DAB1: variants seen among roughly 807,000 people sequenced by gnomAD.
The protein encoded by DAB1 is DAB adaptor protein 1, also known as disabled homolog 1.
A neutral mutation model predicts 64.6 loss-of-function variants in DAB1; 15 were observed. The observed-to-expected ratio is 0.23, with a 90% CI of 0.16 to 0.36. The LOEUF (loss-of-function observed/expected upper bound fraction) is 0.36. DAB1 is among the 10% of genes least tolerant of loss of function. The pLI is 1.00. For synonymous variants in DAB1, 235 were observed against 251.9 expected, an observed-to-expected ratio of 0.93 and a Z score of 0.64; for missense variants, 596 against 706.7, an observed-to-expected ratio of 0.84 and a Z score of 1.78.
At chr1:58,021,420 A>C (rs1211433003) in intron 5 of DAB1, among the ~76,000 whole-genome samples, 58 of 152,256 alleles carry the variant, frequency 3.8e-4, no homozygotes, top group Non-Finnish European at 1.0e-4. Flanking sequence ...AAGATTAAAG[A>C]TTAAATAATT....
chr1:57,388,821 C>T (rs1450292686), intron 1 of DAB1, among the ~76,000 whole-genome samples: 1 of 143,478 alleles, frequency 7.0e-6, no homozygotes, highest in Non-Finnish European at 1.5e-5. Flanking sequence ...GACCCTAAAT[C>T]TCTCTTCTTC....
chr1:58,406,979 G>A (rs1034990263), intron 3 of DAB1, among the ~76,000 whole-genome samples: 2 of 152,150 alleles, frequency 1.3e-5, no homozygotes, highest in African/African-American at 2.4e-5. Context: ...CAGGGTGGGC[G>A]TGCTAATGTT....
chr1:57,857,797 A>G (rs1169346818), intron 1 of DAB1, among the ~76,000 whole-genome samples: 1 of 151,570 alleles, frequency 6.6e-6, no homozygotes, highest in Admixed American at 6.6e-5. Flanking sequence ...TAGTCAAAAT[A>G]TAAGTATTTT....
chr1:57,039,296 G>A (rs1163685364), intron 9 of DAB1, among the ~76,000 whole-genome samples: 1 of 152,094 alleles, frequency 6.6e-6, no homozygotes, highest in African/African-American at 2.4e-5. Flanking sequence ...CACAGCAACT[G>A]GCAGAGTAAA....
rs554683661 is a variant in DAB1 at position 57,722,102 on chromosome 1, C to T, written n.552-72437G>A. Among the ~76,000 whole-genome samples the T allele has an allele frequency of 5.3e-4, 80 of 152,278 alleles. No homozygotes were observed. In the South Asian group the frequency reaches 6.2e-3, roughly 12 times the overall value. ...CTTCCTAACACACAGACAATGTGAC[C>T]ATTTCTCATCAGTGTTGTCTCAAAA... On this transcript the variant is annotated intron_variant and non_coding_transcript_variant, in intron 6 of 20. Transcript: ENST00000485760.
intron 4 of DAB1, among the ~76,000 whole-genome samples, chr1:58,217,899 A>G (rs1042204828): frequency 6.6e-6 from 1 of 152,122 alleles, no homozygotes; most frequent in South Asian, 2.1e-4. Flanking sequence ...TCAATCATCA[A>G]TCAGTAGAGG....
chr1:57,641,740 A>C (rs1053003557), intron 7 of DAB1, among the ~76,000 whole-genome samples: 2 of 152,078 alleles, frequency 1.3e-5, no homozygotes, highest in African/African-American at 4.8e-5. Context: ...TCTGTCCAGA[A>C]CAGATACTCT....
chr1:57,750,645 G>T (rs1160580668), intron 6 of DAB1, among the ~76,000 whole-genome samples: 1 of 152,176 alleles, frequency 6.6e-6, no homozygotes, highest in Non-Finnish European at 1.5e-5. Flanking sequence ...TGGCAAGTCT[G>T]TTAACTTCTG....
chr1:57,892,462 A>C lies in DAB1; in HGVS notation n.388-8300T>G, dbSNP rs1410764492. On this transcript the variant is annotated intron_variant and non_coding_transcript_variant, in intron 5 of 20. Transcript: ENST00000485760. ...TTTATGAACCCATTTAATCAGCACA[A>C]CCCCATGACATAGGTCACTATTAAT... 5.9e-5 allele frequency among the ~76,000 whole-genome samples: 9 copies of C among 152,306 alleles called. No individual in the cohort carries two copies. The South Asian group carries it at 1.0e-3, about 18-fold the overall frequency.
At chr1:57,420,791 T>C (rs1167036960) in intron 1 of DAB1, among the ~76,000 whole-genome samples, 1 of 152,232 alleles carries the variant, frequency 6.6e-6, no homozygotes, top group Admixed American at 6.5e-5. Context: ...TCTGGGAAGT[T>C]GAGATTCATC....
intron 6 of DAB1, among the ~76,000 whole-genome samples, chr1:57,787,481 C>T (rs536369828): frequency 1.3e-5 from 2 of 151,944 alleles, no homozygotes; most frequent in South Asian, 4.2e-4. Flanking sequence ...AAGGAAAAAA[C>T]ATGACAAACT....
At chr1:57,335,227 A>G (rs965632221) in intron 1 of DAB1, among the ~76,000 whole-genome samples, 1 of 152,086 alleles carries the variant, frequency 6.6e-6, no homozygotes, top group Non-Finnish European at 1.5e-5. Flanking sequence ...AGTGTTAAAG[A>G]GCAACTTTAC....
chr1:57,720,889 A>G (rs567842799), intron 6 of DAB1, among the ~76,000 whole-genome samples: 1 of 152,236 alleles, frequency 6.6e-6, no homozygotes, highest in South Asian at 2.1e-4. Flanking sequence ...ACCCTCTCAT[A>G]TTTGAAACAC....
intron 5 of DAB1, among the ~76,000 whole-genome samples, chr1:58,127,297 G>C (rs1355001126): frequency 6.6e-6 from 1 of 152,120 alleles, no homozygotes; most frequent in Non-Finnish European, 1.5e-5. Flanking sequence ...CCCACTTTTT[G>C]ATGGGGTTGT....
chr1:57,839,357 C>T (rs1465996933), intron 1 of DAB1, among the ~76,000 whole-genome samples: 1 of 152,152 alleles, frequency 6.6e-6, no homozygotes, highest in African/African-American at 2.4e-5. Flanking sequence ...TCTGTGCCAA[C>T]ATTCCTGATG....
chr1:58,385,801 G>A (rs115873288), intron 3 of DAB1, among the ~76,000 whole-genome samples: 2,012 of 152,266 alleles, frequency 0.013, 38 homozygotes, highest in African/African-American at 0.046. Context: ...AAATGACAAG[G>A]GAGTCAAATG....
At chr1:58,539,803 C>A (rs935041182) in intron 1 of DAB1, among the ~76,000 whole-genome samples, 2 of 152,116 alleles carry the variant, frequency 1.3e-5, no homozygotes, top group Non-Finnish European at 2.9e-5. Flanking sequence ...TGCTTCCAGG[C>A]CACAATGCAG....
At chr1:57,905,308 T>C (rs1644534731) in intron 5 of DAB1, among the ~76,000 whole-genome samples, 1 of 151,854 alleles carries the variant, frequency 6.6e-6, no homozygotes, top group African/African-American at 2.4e-5. Context: ...AGGGCGTTGG[T>C]GCAAGGAAAG....
downstream of DAB1, chr1:57,826,010 G>A (rs965049917): frequency 7.2e-5 from 11 of 152,298 alleles, no homozygotes; most frequent in East Asian, 3.9e-4. Context: ...GTATCATTCC[G>A]TTGGTGCATG....
Sources: allele counts gnomAD v4.1 joint callset (sites outside exome capture counted in the v4.1 genomes callset), GRCh38; gene constraint gnomAD v4.1.1; transcripts MANE v1.5; gene names NCBI Gene and HGNC (gene_info 2026-07-23, HGNC 2026-07-21).